Variants in MDN1 observed in about 807,000 individuals in gnomAD.
MDN1 encodes the protein midasin.
Under a neutral mutation model 669.2 loss-of-function variants are expected in MDN1, and 266 were observed. That is an observed-to-expected ratio of 0.40 (90% confidence interval 0.36 to 0.44). The LOEUF is 0.44. Ranked by LOEUF, MDN1 falls within the 20% of genes least tolerant of loss-of-function variation. The pLI, the probability that MDN1 is intolerant of heterozygous loss-of-function variation, is 1.00. For synonymous variants in MDN1, 2,385 were observed against 2,457.1 expected, an observed-to-expected ratio of 0.97 and a Z score of 0.87; for missense variants, 5,940 against 6,754.0, an observed-to-expected ratio of 0.88 and a Z score of 4.22.
chr6:89,801,643 C>T (rs1381196466), intron 2 of MDN1, among the ~76,000 whole-genome samples: 1 of 140,718 alleles, frequency 7.1e-6, no homozygotes, highest in African/African-American at 2.7e-5. Context: ...GAGTGAGACT[C>T]CGTCTCAAAA....
chr6:89,778,892 A>AAATAAATAAATG (rs1186195824), intron 11 of MDN1, among the ~76,000 whole-genome samples: 1 of 139,152 alleles, frequency 7.2e-6, no homozygotes, highest in African/African-American at 2.8e-5. Context: ...TCTCAAAAAT[A>AAATAAATAAATG]AATAAATAAA....
At position 89,710,733 on chromosome 6, in the gene MDN1, G is replaced by A. The variant is rs1453980246; in HGVS notation, c.7713C>T (p.Ser2571=). Reference sequence around the variant, plus strand: ...AAACATTACTGACTGCACCTGAGAGGGAATGTGAGTAAAAATTCCTGAGAG... The same window carrying A: ...AAACATTACTGACTGCACCTGAGAGAGAATGTGAGTAAAAATTCCTGAGAG... ...AASLRNFYSH[S]LSGAVSNVFK... The change falls in exon 50 of 102, where the codon TCC becomes TCT. Residue 2571 remains serine (S), a synonymous_variant. Transcript: ENST00000369393. 4 of 1,602,384 alleles carry A rather than the reference G, an allele frequency of 2.5e-6. No individual in the cohort carries two copies. The highest frequency in any genetic ancestry group is 3.4e-6 in the Non-Finnish European group (4 of 1,175,756).
intron 72 of MDN1, among the ~76,000 whole-genome samples, chr6:89,683,581 A>G (rs930520684): frequency 6.6e-6 from 1 of 152,192 alleles, no homozygotes; most frequent in Non-Finnish European, 1.5e-5. Flanking sequence ...GTATACAGCT[A>G]GTGGGTGGCA....
chr6:89,664,835 G>A (rs1228379833), intron 84 of MDN1, among the ~76,000 whole-genome samples: 1 of 152,032 alleles, frequency 6.6e-6, no homozygotes, highest in African/African-American at 2.4e-5. Context: ...TTTTGTTCAG[G>A]TTTTCTTATT....
intron 33 of MDN1, among the ~76,000 whole-genome samples, chr6:89,734,691 A>AAACGAGAGAG (rs1554188774): frequency 8.8e-6 from 1 of 112,996 alleles, no homozygotes; most frequent in Non-Finnish European, 1.7e-5. Flanking sequence ...AAAAAAAAAC[A>AAACGAGAGAG]AGAGAGAGAG....
In MDN1 at chr6:89,718,964, G is replaced by C; in HGVS notation, c.6124C>G (p.Leu2042Val). 2 of 1,614,176 alleles carry C rather than the reference G, an allele frequency of 1.2e-6. No homozygotes were observed. The highest frequency in any genetic ancestry group is 1.7e-6 in the Non-Finnish European group (2 of 1,180,024). Reference protein sequence around the residue: ...PHPSRHPLLLLHQSFQPLESI... With the variant: ...PHPSRHPLLLVHQSFQPLESI... ...TCCAGGGGTTGGAATGACTGGTGCA[G>C]GAGCAACAGGGGATGGCGGGACGGG... Residue 2042 changes from leucine (L) to valine (V), a missense_variant, in exon 42 of 102, where the codon CTG (leucine) becomes GTG (valine). Leu to Val is a conservative substitution (Grantham distance 32). Around this residue, in one of 5 missense-constraint regions of MDN1, gnomAD observed 2,292 missense variants for 2,638.3 expected, o/e 0.87. Coordinates refer to ENST00000369393, the MANE Select transcript of MDN1 (RefSeq NM_014611.3).
intron 88 of MDN1, 42 bp downstream of exon 88, chr6:89,661,389 A>C: frequency 6.3e-7 from 1 of 1,589,384 alleles, no homozygotes; most frequent in Non-Finnish European, 8.6e-7. Flanking sequence ...ACTGTTCACT[A>C]ATGTGAGTTC....
At chr6:89,667,422 C>T (rs1185299607) in intron 84 of MDN1, among the ~76,000 whole-genome samples, 1 of 151,996 alleles carries the variant, frequency 6.6e-6, no homozygotes, top group Non-Finnish European at 1.5e-5. Context: ...ATAAAATTAC[C>T]TTAAATACAA....
At chr6:89,671,512 C>T (rs1395538755) in intron 82 of MDN1, among the ~76,000 whole-genome samples, 1 of 151,964 alleles carries the variant, frequency 6.6e-6, no homozygotes, top group Non-Finnish European at 1.5e-5. Flanking sequence ...TAGCCAGAAC[C>T]CATCTTTACA....
chr6:89,806,814 G>C (rs1198598931), intron 1 of MDN1, among the ~76,000 whole-genome samples: 1 of 151,654 alleles, frequency 6.6e-6, no homozygotes. Flanking sequence ...AGCTACTCTG[G>C]AGAGTGAGGA....
At chr6:89,648,857 A>G (rs1168285415) in intron 97 of MDN1, among the ~76,000 whole-genome samples, 1 of 151,144 alleles carries the variant, frequency 6.6e-6, no homozygotes, top group African/African-American at 2.4e-5. Context: ...GGTGACACAC[A>G]CCTATGGTCC....
At chr6:89,789,999 G>T (rs1246878331) in intron 6 of MDN1, 88 bp from the exon 7 acceptor site, 1 of 1,582,078 alleles carries the variant, frequency 6.3e-7, no homozygotes, top group East Asian at 2.2e-5. Flanking sequence ...TCTTCTATAG[G>T]TAGGTGTAAG....
At chr6:89,675,759 A>G (rs1811137611) in intron 77 of MDN1, 180 bp from the exon 78 acceptor site, 1 of 584,720 alleles carries the variant, frequency 1.7e-6, no homozygotes, top group South Asian at 2.3e-5. Flanking sequence ...GATTCCATAG[A>G]CAGGAACTGG....
intron 34 of MDN1, 146 bp from the exon 35 acceptor site, chr6:89,731,069 A>T: frequency 1.6e-6 from 1 of 644,240 alleles, no homozygotes; most frequent in Non-Finnish European, 2.7e-6. Context: ...AAGCAGTCCT[A>T]AGAAAGAAGT....
chr6:89,709,879 C>T (rs1813766922), intron 50 of MDN1, among the ~76,000 whole-genome samples: 2 of 152,230 alleles, frequency 1.3e-5, no homozygotes, highest in East Asian at 1.9e-4. Flanking sequence ...TCTGTTATCA[C>T]TATGGTTTTA....
chr6:89,682,962 T>G (rs1409953230), intron 73 of MDN1, among the ~76,000 whole-genome samples, 170 bp downstream of exon 73: 1 of 151,114 alleles, frequency 6.6e-6, no homozygotes, highest in African/African-American at 2.4e-5. Context: ...AACCCCAAGA[T>G]TTTTTGCCTT....
intron 1 of MDN1, among the ~76,000 whole-genome samples, chr6:89,816,041 G>A (rs750154491): frequency 1.3e-5 from 2 of 152,194 alleles, no homozygotes; most frequent in Non-Finnish European, 2.9e-5. Context: ...TATTTTATTA[G>A]AAAGAAACCA....
chr6:89,695,180 C>T lies in MDN1; in HGVS notation c.9771+425G>A, dbSNP rs1179953809. Among the ~76,000 whole-genome samples, 2 of 152,090 alleles carry T rather than the reference C, an allele frequency of 1.3e-5. No homozygotes were observed. Among genetic ancestry groups the T allele is most frequent in the East Asian group, 1.9e-4 (1 of 5,174 alleles). ...CCAGGAGGCAGAGGTTGCAGTGAGCCGAGATTGTGCCACTGCACTCCTGCC... is the reference window on the plus strand; with the variant it reads ...CCAGGAGGCAGAGGTTGCAGTGAGCTGAGATTGTGCCACTGCACTCCTGCC... On this transcript the variant is annotated intron_variant, in intron 61 of 101. Coordinates refer to ENST00000369393, the MANE Select transcript of MDN1 (RefSeq NM_014611.3). The surrounding 1 kb of genome is among the most constrained non-coding windows in gnomAD (Gnocchi z 4.1).
At chr6:89,719,796 A>G (rs1056399200) in intron 40 of MDN1, among the ~76,000 whole-genome samples, 2 of 152,210 alleles carry the variant, frequency 1.3e-5, no homozygotes, top group Non-Finnish European at 2.9e-5. Flanking sequence ...GTCAGCCTCC[A>G]AAAAACATGT....
Sources: allele counts gnomAD v4.1 joint callset (sites outside exome capture counted in the v4.1 genomes callset), GRCh38; gene constraint gnomAD v4.1.1; regional missense constraint gnomAD v4.1.1; non-coding constraint Gnocchi (gnomAD v3.1); transcripts MANE v1.5; gene names NCBI Gene and HGNC (gene_info 2026-07-23, HGNC 2026-07-21).